Variants in ANK3 observed in about 807,000 individuals in gnomAD.
ANK3 encodes ankyrin 3, also known as ankyrin-3.
In ANK3, 57 loss-of-function variants were observed where a neutral mutation model predicts 370.9. The ratio of observed to expected loss-of-function variants is 0.15; its 90% CI spans 0.12 to 0.19. The LOEUF (loss-of-function observed/expected upper bound fraction) is 0.19, where lower values mean the gene tolerates loss of function less well. ANK3 is among the 10% of genes least tolerant of loss of function. ANK3 has a pLI of 1.00. For synonymous variants in ANK3, 1,929 were observed against 1,946.3 expected (o/e 0.99, Z 0.23); for missense variants, 4,439 against 5,302.1 (o/e 0.84, Z 5.06).
intron 28 of ANK3, among the ~76,000 whole-genome samples, chr10:60,100,402 T>C (rs1183521053): frequency 6.6e-6 from 1 of 152,100 alleles, no homozygotes; most frequent in East Asian, 1.9e-4. Flanking sequence ...CAACTGCTTC[T>C]ACAATGACTT....
chr10:60,267,777 C>T (rs16914683), intron 5 of ANK3, among the ~76,000 whole-genome samples: 15,397 of 152,162 alleles, frequency 0.1, 895 homozygotes, highest in South Asian at 0.17. Flanking sequence ...AAAAAAGAGT[C>T]CTACGCCATC....
At chr10:60,427,309 T>C (rs1050742830) in intron 2 of ANK3, among the ~76,000 whole-genome samples, 1 of 152,050 alleles carries the variant, frequency 6.6e-6, no homozygotes, top group Admixed American at 6.6e-5. Context: ...TAAAGAGAGA[T>C]AGACTAACTG....
chr10:60,452,205 T>C (rs1359330236), intron 2 of ANK3, among the ~76,000 whole-genome samples: 1 of 152,256 alleles, frequency 6.6e-6, no homozygotes, highest in Non-Finnish European at 1.5e-5. Flanking sequence ...TCTGGAATTC[T>C]TTTTGCCATT....
At position 60,172,931 on chromosome 10, in the gene ANK3, T is replaced by C. The variant is rs2095833018; in HGVS notation, c.2351A>G (p.Gln784Arg). 6.2e-7 allele frequency: 1 copy of C among 1,614,048 alleles called. No individual in the cohort carries two copies. Among genetic ancestry groups the C allele is most frequent in the East Asian group, 2.2e-5 (1 of 44,850 alleles). The change falls in exon 20 of 44, where the codon CAG becomes CGG. Residue 784 changes from glutamine (Q) to arginine (R), a missense_variant. Around this residue, in one of 13 missense-constraint regions of ANK3, gnomAD observed 702 missense variants for 941.5 expected, o/e 0.75. Transcript: ENST00000280772. ...GHTHIINVLL[Q>R]NNASPNELTV... ...GAGTTCATTGGGGGAGGCGTTGTTCTGAAGTAAGACATTTATTATATGCGT... is the reference window on the plus strand; with the variant it reads ...GAGTTCATTGGGGGAGGCGTTGTTCCGAAGTAAGACATTTATTATATGCGT...
At chr10:60,635,031 G>T (rs184310606) in intron 1 of ANK3, among the ~76,000 whole-genome samples, 1 of 152,206 alleles carries the variant, frequency 6.6e-6, no homozygotes, top group Non-Finnish European at 1.5e-5. Context: ...AGAACCCACC[G>T]GAAGGAACCA....
chr10:60,460,317 G>A (rs2064851264), intron 2 of ANK3, among the ~76,000 whole-genome samples: 1 of 152,176 alleles, frequency 6.6e-6, no homozygotes, highest in Non-Finnish European at 1.5e-5. Context: ...CAGAAAGGCA[G>A]TATTTAGGAA....
intron 1 of ANK3, among the ~76,000 whole-genome samples, chr10:60,713,174 T>A (rs570487523): frequency 6.6e-6 from 1 of 152,176 alleles, no homozygotes; most frequent in Non-Finnish European, 1.5e-5. Flanking sequence ...CAAGTTCATA[T>A]GGAACATTCC....
Position 60,043,645 on chromosome 10 carries a change from C to A in ANK3, c.13066-886G>T. On this transcript the variant is annotated intron_variant, in intron 42 of 43. Transcript: ENST00000280772. ...AGAGAAAATGTATGGATCCGATGTG[C>A]AGATCTTGAACTGAGCCTTTTGCCA... 3.0e-6 allele frequency: 3 copies of A among 985,326 alleles called. No homozygotes were observed. The South Asian group carries it at 1.4e-4, about 46-fold the overall frequency. The allele number at this position is 985,326 out of a possible 1,614,324, so 61.0% of individuals were successfully genotyped here. A position where few individuals can be genotyped will look rare whatever the true frequency, so the allele number is the denominator to read the frequency against.
At chr10:60,575,694 T>C (rs1318357305) in intron 2 of ANK3, among the ~76,000 whole-genome samples, 1 of 152,188 alleles carries the variant, frequency 6.6e-6, no homozygotes, top group Non-Finnish European at 1.5e-5. Context: ...GCTCCTATGC[T>C]AGAGTTAAGG....
intron 1 of ANK3, among the ~76,000 whole-genome samples, chr10:60,326,023 A>G (rs10994301): frequency 0.7 from 106,974 of 151,974 alleles, 38,323 homozygotes; most frequent in South Asian, 0.9. Flanking sequence ...AAACTAACAC[A>G]GGAACAGAAA....
chr10:60,565,557 T>C (rs1386227073), intron 2 of ANK3, among the ~76,000 whole-genome samples: 1 of 152,230 alleles, frequency 6.6e-6, no homozygotes, highest in African/African-American at 2.4e-5. Flanking sequence ...CTAAAATTTC[T>C]TGGGATGGTC....
intron 2 of ANK3, among the ~76,000 whole-genome samples, chr10:60,571,451 T>C (rs914977960): frequency 3.3e-5 from 5 of 152,340 alleles, no homozygotes; most frequent in Non-Finnish European, 5.9e-5. Context: ...CACCATTCTG[T>C]ATGTGTCCAC....
chr10:60,562,425 G>T (rs1292334507), intron 2 of ANK3, among the ~76,000 whole-genome samples: 1 of 151,868 alleles, frequency 6.6e-6, no homozygotes, highest in African/African-American at 2.4e-5. Context: ...GGCATCCGTG[G>T]GGTAGGGGGA....
chr10:60,232,684 A>C (rs1287968186), intron 8 of ANK3, among the ~76,000 whole-genome samples: 1 of 152,132 alleles, frequency 6.6e-6, no homozygotes, highest in African/African-American at 2.4e-5. Context: ...ATGGTAATCA[A>C]GAAAAAGAAG....
At chr10:60,126,354 A>G (rs957357617) in intron 25 of ANK3, among the ~76,000 whole-genome samples, 2 of 152,170 alleles carry the variant, frequency 1.3e-5, no homozygotes, top group Admixed American at 6.5e-5. Context: ...AGAGTGATCA[A>G]TTGGCAAGGG....
chr10:60,215,893 T>G (rs1486811032), intron 8 of ANK3, among the ~76,000 whole-genome samples: 2 of 152,176 alleles, frequency 1.3e-5, no homozygotes, highest in Non-Finnish European at 2.9e-5. Context: ...AGAATGTCAA[T>G]GGTAGTTTGA....
chr10:60,511,754 T>G (rs528289491), intron 2 of ANK3, among the ~76,000 whole-genome samples: 49 of 151,932 alleles, frequency 3.2e-4, no homozygotes, highest in Non-Finnish European at 5.4e-4. Flanking sequence ...TTCCCCCACT[T>G]TTCTCGCACT....
intron 2 of ANK3, among the ~76,000 whole-genome samples, chr10:60,468,264 A>AG (rs1362675480): frequency 6.6e-6 from 1 of 152,134 alleles, no homozygotes; most frequent in East Asian, 1.9e-4. Context: ...AATTACAGGC[A>AG]GGAGCCACCG....
intron 1 of ANK3, among the ~76,000 whole-genome samples, chr10:60,681,054 C>G (rs927715166): frequency 1.3e-5 from 2 of 152,140 alleles, no homozygotes; most frequent in Non-Finnish European, 2.9e-5. Flanking sequence ...CAAGTGAAAA[C>G]CTGAACATTA....
Sources: gnomAD v4.1 joint callset for allele counts (sites outside exome capture counted in the v4.1 genomes callset) on GRCh38, gnomAD v4.1.1 for gene constraint, gnomAD v4.1.1 regional missense constraint, MANE v1.5 for transcripts, NCBI Gene and HGNC (gene_info 2026-07-23, HGNC 2026-07-21) for gene names.